GRIK2: variants seen among roughly 807,000 people sequenced by gnomAD.
GRIK2 encodes the protein glutamate receptor ionotropic, kainate 2.
In GRIK2, 32 loss-of-function variants were observed where a neutral mutation model predicts 100.3. The observed-to-expected ratio is 0.32, with a 90% CI of 0.24 to 0.43. The LOEUF (loss-of-function observed/expected upper bound fraction) is 0.43. GRIK2 is among the 20% of genes least tolerant of loss of function. GRIK2 has a pLI of 1.00. For synonymous variants in GRIK2, 417 were observed against 389.4 expected (o/e 1.07, Z -0.83); for missense variants, 843 against 1,114.9 (o/e 0.76, Z 3.47).
At chr6:101,639,050 CTTG>C (rs759671841) in intron 4 of GRIK2, among the ~76,000 whole-genome samples, 5 of 151,718 alleles carry the variant, frequency 3.3e-5, no homozygotes, top group Admixed American at 6.6e-5. Context: ...GTTCGTTTTT[CTTG>C]TTGTTAAGAG....
At chr6:101,530,485 A>G (rs1216089922) in intron 2 of GRIK2, among the ~76,000 whole-genome samples, 4 of 152,070 alleles carry the variant, frequency 2.6e-5, no homozygotes, top group African/African-American at 9.7e-5. Context: ...GTATTCACGA[A>G]AATAATCTAG....
intron 4 of GRIK2, among the ~76,000 whole-genome samples, chr6:101,629,040 T>A (rs2852584): frequency 0.17 from 26,032 of 152,070 alleles, 2,378 homozygotes; most frequent in African/African-American, 0.25. Flanking sequence ...CATGTATTTG[T>A]TCTATTCCTG....
At chr6:101,885,118 A>C (rs77770217) in intron 11 of GRIK2, among the ~76,000 whole-genome samples, 1 of 152,052 alleles carries the variant, frequency 6.6e-6, no homozygotes, top group Non-Finnish European at 1.5e-5. Flanking sequence ...TGTGCATTCA[A>C]ATTTCTCATA....
chr6:101,478,454 A>G (rs146725352), intron 2 of GRIK2, among the ~76,000 whole-genome samples: 2 of 151,208 alleles, frequency 1.3e-5, no homozygotes, highest in East Asian at 3.9e-4. Flanking sequence ...GAAACTTTTT[A>G]TAAGTTACAT....
At chr6:101,810,933 G>A (rs1781287186) in intron 9 of GRIK2, among the ~76,000 whole-genome samples, 1 of 151,940 alleles carries the variant, frequency 6.6e-6, no homozygotes, top group Non-Finnish European at 1.5e-5. Flanking sequence ...AGTTAATAGA[G>A]AAATAAACAG....
At chr6:101,619,562 A>G (rs936410800) in intron 2 of GRIK2, among the ~76,000 whole-genome samples, 26 of 152,014 alleles carry the variant, frequency 1.7e-4, no homozygotes, top group East Asian at 1.4e-3. Flanking sequence ...CTTTTATTAC[A>G]TAGAAACTAC....
intron 2 of GRIK2, among the ~76,000 whole-genome samples, chr6:101,604,957 A>T (rs752613993): frequency 6.6e-6 from 1 of 152,016 alleles, no homozygotes; most frequent in Non-Finnish European, 1.5e-5. Context: ...TAAAATGGGA[A>T]GGATTTACCC....
At chr6:101,906,634 G>T (rs1788249981) in intron 12 of GRIK2, among the ~76,000 whole-genome samples, 1 of 151,722 alleles carries the variant, frequency 6.6e-6, no homozygotes, top group Non-Finnish European at 1.5e-5. Flanking sequence ...GCAGGCTCAA[G>T]AAGTAGTTAA....
In GRIK2 at chr6:101,889,558, ATTTTT is replaced by A. The variant is rs997008110; in HGVS notation, c.1525-80_1525-76del. Reference sequence around the variant, plus strand: ...TTTGTTTTATTTAATTTGATTACTGATTTTTTCTTGTGACTGAAAATCAATTTTTT... The same window carrying A: ...TTTGTTTTATTTAATTTGATTACTGATCTTGTGACTGAAAATCAATTTTTT... On this transcript the variant is annotated intron_variant, in intron 11 of 16. Coordinates refer to ENST00000369134, the MANE Select transcript of GRIK2 (RefSeq NM_021956.5). 7 of 743,630 alleles carry A rather than the reference ATTTTT, an allele frequency of 9.4e-6. No individual in the cohort carries two copies. The East Asian group carries it at 1.8e-4, about 19-fold the overall frequency. 46.1% of individuals were successfully genotyped at this position (743,630 alleles called of 1,614,324 possible).
intron 11 of GRIK2, among the ~76,000 whole-genome samples, chr6:101,869,982 G>T (rs1315356657): frequency 6.6e-6 from 1 of 151,926 alleles, no homozygotes; most frequent in Non-Finnish European, 1.5e-5. Flanking sequence ...CCCAATTTGG[G>T]CTAGTCCAGT....
At chr6:101,592,598 T>TATATATATATATATAC (rs1778714428) in intron 2 of GRIK2, among the ~76,000 whole-genome samples, 1 of 105,988 alleles carries the variant, frequency 9.4e-6, no homozygotes, top group Non-Finnish European at 1.9e-5. Context: ...CATATATATA[T>TATATATATATATATAC]ATATATATAT....
intron 4 of GRIK2, among the ~76,000 whole-genome samples, chr6:101,653,396 T>C (rs1295770961): frequency 6.6e-6 from 1 of 151,876 alleles, no homozygotes; most frequent in Non-Finnish European, 1.5e-5. Context: ...ACCCCCACCC[T>C]GCGCCCTCAC....
At chr6:101,839,489 C>G (rs1210492470) in intron 10 of GRIK2, among the ~76,000 whole-genome samples, 2 of 151,914 alleles carry the variant, frequency 1.3e-5, no homozygotes, top group Middle Eastern at 3.2e-3. Flanking sequence ...AAGTAGAAAG[C>G]CTTTGTAAGT....
intron 11 of GRIK2, among the ~76,000 whole-genome samples, chr6:101,886,145 A>G (rs777718906): frequency 4.6e-5 from 7 of 152,130 alleles, no homozygotes; most frequent in Non-Finnish European, 1.0e-4. Context: ...CCTGGATGTC[A>G]TATAATTGGA....
intron 7 of GRIK2, among the ~76,000 whole-genome samples, chr6:101,772,372 G>A (rs1778458271): frequency 6.6e-6 from 1 of 152,172 alleles, no homozygotes; most frequent in Non-Finnish European, 1.5e-5. Context: ...AAGTGGAAGA[G>A]GATTCTGCTG....
At chr6:101,973,684 T>C (rs573694134) in intron 14 of GRIK2, among the ~76,000 whole-genome samples, 1 of 152,074 alleles carries the variant, frequency 6.6e-6, no homozygotes, top group East Asian at 1.9e-4. Context: ...TATTGTCAAG[T>C]ATTGGGGGGA....
chr6:101,609,207 T>C (rs570010275), intron 2 of GRIK2, among the ~76,000 whole-genome samples: 1 of 151,862 alleles, frequency 6.6e-6, no homozygotes, highest in Non-Finnish European at 1.5e-5. Context: ...AAAGAAAAGT[T>C]ACTAAACTTT....
chr6:101,936,330 A>G (rs1790616113), intron 14 of GRIK2, among the ~76,000 whole-genome samples: 1 of 152,078 alleles, frequency 6.6e-6, no homozygotes. Context: ...GTGTTGAAAT[A>G]TCGAATGTGG....
At chr6:101,563,983 A>G (rs1476605793) in intron 2 of GRIK2, among the ~76,000 whole-genome samples, 1 of 152,206 alleles carries the variant, frequency 6.6e-6, no homozygotes, top group African/African-American at 2.4e-5. Context: ...TTACCATACT[A>G]TTTATGAATA....
Sources: gnomAD v4.1 joint callset for allele counts (sites outside exome capture counted in the v4.1 genomes callset) on GRCh38, gnomAD v4.1.1 for gene constraint, MANE v1.5 for transcripts, NCBI Gene and HGNC (gene_info 2026-07-23, HGNC 2026-07-21) for gene names.